The following TLCD4 variants were observed in gnomAD, a reference collection of about 807,000 sequenced individuals.
TLCD4 encodes TLC domain containing 4, also known as TLC domain-containing protein 4.
TLCD4 carries 7 observed loss-of-function variants against 24.2 expected under a neutral mutation model. That is an observed-to-expected ratio of 0.29 (90% confidence interval 0.16 to 0.54). The LOEUF is 0.54. TLCD4 is among the 20% of genes least tolerant of loss of function. The pLI is 0.95. For synonymous variants in TLCD4, 103 were observed against 106.4 expected (o/e 0.97, Z 0.20); for missense variants, 259 against 313.9 (o/e 0.82, Z 1.32).
chr1:95,102,516 G>A, the TLCD4 span, among the ~76,000 whole-genome samples: 1 of 152,180 alleles, frequency 6.6e-6, no homozygotes, highest in Non-Finnish European at 1.5e-5. Context: ...TGGAAAGGAG[G>A]AGGGATCATG....
At chr1:95,169,431 A>C (rs1388834363) in intron 5 of TLCD4, among the ~76,000 whole-genome samples, 2 of 152,192 alleles carry the variant, frequency 1.3e-5, no homozygotes, top group Non-Finnish European at 2.9e-5. Context: ...ATTTTGGCCA[A>C]AGTTGTTTAG....
intron 6 of TLCD4, among the ~76,000 whole-genome samples, chr1:95,190,481 G>A (rs1678989477): frequency 6.6e-6 from 1 of 151,890 alleles, no homozygotes; most frequent in South Asian, 2.1e-4. Flanking sequence ...GGTGCCCGCC[G>A]CCATGCCTGG....
At chr1:95,144,973 G>T (rs1045647186) in intron 2 of TLCD4, among the ~76,000 whole-genome samples, 6 of 152,208 alleles carry the variant, frequency 3.9e-5, no homozygotes, top group Admixed American at 2.0e-4. Flanking sequence ...TTACAGGCAT[G>T]AGCCACTGCA....
chr1:95,188,458 C>T (rs1471322836), intron 6 of TLCD4, among the ~76,000 whole-genome samples: 1 of 151,112 alleles, frequency 6.6e-6, no homozygotes, highest in Non-Finnish European at 1.5e-5. Context: ...ACAGCCCACA[C>T]TTGAGGACTA....
chr1:95,132,670 A>T (rs1161988038), intron 1 of TLCD4, among the ~76,000 whole-genome samples: 2 of 152,064 alleles, frequency 1.3e-5, no homozygotes, highest in African/African-American at 2.4e-5. Flanking sequence ...CAGAGGAGAG[A>T]TCTAGGATGA....
At chr1:95,165,361 G>C (rs371554528) in intron 5 of TLCD4, among the ~76,000 whole-genome samples, 2 of 152,072 alleles carry the variant, frequency 1.3e-5, no homozygotes, top group East Asian at 1.9e-4. Context: ...AGGTAACTTT[G>C]AGTGAATATC....
intron 1 of TLCD4, among the ~76,000 whole-genome samples, chr1:95,122,706 C>T (rs1330206978): frequency 1.3e-5 from 2 of 152,188 alleles, no homozygotes; most frequent in Non-Finnish European, 2.9e-5. Context: ...TTGAATTCTG[C>T]CATGGCAAAC....
At chr1:95,117,882 G>A (rs1218623043) in intron 1 of TLCD4, 2 of 151,522 alleles carry the variant, frequency 1.3e-5, no homozygotes, top group East Asian at 3.9e-4. Context: ...GCGTCGCTCC[G>A]GGAGCAAATG....
chr1:95,126,128 T>G (rs2391627), intron 1 of TLCD4, among the ~76,000 whole-genome samples: 59,910 of 143,718 alleles, frequency 0.42, 13,674 homozygotes, highest in Middle Eastern at 0.55. Context: ...GCCATCACTA[T>G]TAAAAAAAAA....
intron 6 of TLCD4, among the ~76,000 whole-genome samples, chr1:95,184,087 G>A (rs1678746522): frequency 6.6e-6 from 1 of 152,174 alleles, no homozygotes; most frequent in African/African-American, 2.4e-5. Context: ...AGTAGAGTCA[G>A]CTTACAGCCC....
chr1:95,095,545 C>A, the TLCD4 span, among the ~76,000 whole-genome samples: 7 of 151,950 alleles, frequency 4.6e-5, no homozygotes, highest in Non-Finnish European at 1.0e-4. Context: ...TTACAGGTGC[C>A]TGCCACCAAG....
At chr1:95,094,199 T>A in the TLCD4 span, among the ~76,000 whole-genome samples, 3 of 152,202 alleles carry the variant, frequency 2.0e-5, no homozygotes, top group African/African-American at 7.2e-5. Flanking sequence ...GGTGCCATCA[T>A]GGCTCACTGC....
intron 1 of TLCD4, among the ~76,000 whole-genome samples, chr1:95,142,291 CTTT>C (rs33917874): frequency 0.054 from 6,263 of 116,812 alleles, 199 homozygotes; most frequent in East Asian, 0.17. Flanking sequence ...TTATAAAAAT[CTTT>C]TTTTTTTTTT....
chr1:95,159,088 C>T (rs1210385475), intron 5 of TLCD4, among the ~76,000 whole-genome samples: 6 of 152,224 alleles, frequency 3.9e-5, no homozygotes, highest in South Asian at 2.1e-4. Context: ...GCCACACTGT[C>T]TTCCACAATG....
At chr1:95,124,550 G>T (rs926830824) in intron 1 of TLCD4, among the ~76,000 whole-genome samples, 2 of 152,146 alleles carry the variant, frequency 1.3e-5, no homozygotes, top group Non-Finnish European at 2.9e-5. Flanking sequence ...CTAGCCAGGG[G>T]TATCATGCCA....
the TLCD4 span, among the ~76,000 whole-genome samples, chr1:95,110,114 ATG>A: frequency 7.3e-5 from 11 of 150,890 alleles, no homozygotes; most frequent in East Asian, 1.7e-3. Flanking sequence ...AACTGAAAAA[ATG>A]TATATTTAAA....
chr1:95,118,911 A>C (rs1303029670), intron 1 of TLCD4, among the ~76,000 whole-genome samples: 2 of 152,204 alleles, frequency 1.3e-5, no homozygotes, highest in African/African-American at 4.8e-5. Flanking sequence ...GCCATCTGAT[A>C]ACCCAGAGAA....
chr1:95,115,878 C>T (rs1676419521), upstream of TLCD4, among the ~76,000 whole-genome samples: 1 of 152,156 alleles, frequency 6.6e-6, no homozygotes, highest in South Asian at 2.1e-4. Flanking sequence ...TTGGTATTTT[C>T]TGGGCTGACT....
chr1:95,103,513 A>C, the TLCD4 span, among the ~76,000 whole-genome samples: 1 of 152,226 alleles, frequency 6.6e-6, no homozygotes, highest in African/African-American at 2.4e-5. Flanking sequence ...AGAGAGATGA[A>C]GGAATAAGAA....
Sources: allele counts gnomAD v4.1 joint callset (sites outside exome capture counted in the v4.1 genomes callset), GRCh38; gene constraint gnomAD v4.1.1; transcripts MANE v1.5; gene names NCBI Gene and HGNC (gene_info 2026-07-23, HGNC 2026-07-21).